The following SOX5 variants were observed in gnomAD, a reference collection of about 807,000 sequenced individuals.
SOX5 encodes SRY-box transcription factor 5.
SOX5 carries 9 observed loss-of-function variants against 92.0 expected under a neutral mutation model. That is an observed-to-expected ratio of 0.10 (90% confidence interval 0.06 to 0.17). SOX5 has a LOEUF of 0.17. Ranked by LOEUF, SOX5 falls within the 10% of genes least tolerant of loss-of-function variation. SOX5 has a pLI of 1.00. For missense variants in SOX5, 642 were observed against 944.5 expected, an observed-to-expected ratio of 0.68 and a Z score of 4.20; for synonymous variants, 344 against 336.3, an observed-to-expected ratio of 1.02 and a Z score of -0.25.
chr12:24,386,361 A>G (rs1435709730), intron 1 of SOX5, among the ~76,000 whole-genome samples: 3 of 152,176 alleles, frequency 2.0e-5, no homozygotes, highest in African/African-American at 7.2e-5. Context: ...TCTGGGCTTT[A>G]TATTTTACTT....
intron 2 of SOX5, among the ~76,000 whole-genome samples, chr12:23,854,487 A>G (rs533414990): frequency 6.6e-6 from 1 of 152,178 alleles, no homozygotes; most frequent in East Asian, 1.9e-4. Flanking sequence ...AATTGTCTAA[A>G]CTCTCTAAGC....
chr12:23,614,357 G>C (rs1026141709), intron 8 of SOX5, among the ~76,000 whole-genome samples: 1 of 152,040 alleles, frequency 6.6e-6, no homozygotes, highest in Non-Finnish European at 1.5e-5. Context: ...ACTTCTCTTT[G>C]GCCAGATGTG....
At chr12:23,665,839 T>C (rs1218510363) in intron 6 of SOX5, among the ~76,000 whole-genome samples, 1 of 152,158 alleles carries the variant, frequency 6.6e-6, no homozygotes, top group Admixed American at 6.6e-5. Flanking sequence ...AAAATATCAC[T>C]ACTTTGCATG....
chr12:23,786,244 T>C (rs2095374845), intron 3 of SOX5, among the ~76,000 whole-genome samples: 1 of 152,018 alleles, frequency 6.6e-6, no homozygotes, highest in Admixed American at 6.5e-5. Flanking sequence ...TACTTCCACT[T>C]ACAAATATTA....
chr12:24,485,943 C>CTGT (rs376040670), intron 1 of SOX5, among the ~76,000 whole-genome samples: 5 of 152,002 alleles, frequency 3.3e-5, no homozygotes, highest in Non-Finnish European at 7.4e-5. Flanking sequence ...ATATACCTTT[C>CTGT]TGTTGTTGTT....
chr12:24,424,339 C>T (rs531992326), intron 1 of SOX5, among the ~76,000 whole-genome samples: 1 of 152,202 alleles, frequency 6.6e-6, no homozygotes, highest in South Asian at 2.1e-4. Flanking sequence ...ACAAAACAGT[C>T]GATATTTTAT....
At chr12:23,807,622 T>A (rs1160916525) in intron 3 of SOX5, among the ~76,000 whole-genome samples, 1 of 150,932 alleles carries the variant, frequency 6.6e-6, no homozygotes, top group Non-Finnish European at 1.5e-5. Context: ...ACTCTAGAAC[T>A]GTGAAAGAAC....
At chr12:23,818,833 A>G (rs2096052093) in intron 3 of SOX5, among the ~76,000 whole-genome samples, 1 of 152,120 alleles carries the variant, frequency 6.6e-6, no homozygotes. Context: ...TTAAACACTA[A>G]GAAACAAACA....
chr12:23,772,916 C>T (rs2141579302), intron 3 of SOX5, among the ~76,000 whole-genome samples: 1 of 152,250 alleles, frequency 6.6e-6, no homozygotes, highest in Middle Eastern at 3.4e-3. Context: ...AGTGGCAGGG[C>T]ACATGACAAC....
At chr12:23,621,405 C>T (rs918249834) in intron 8 of SOX5, among the ~76,000 whole-genome samples, 2 of 151,982 alleles carry the variant, frequency 1.3e-5, no homozygotes, top group African/African-American at 4.8e-5. Flanking sequence ...GTATATAATG[C>T]TACACAGAAC....
At chr12:24,055,295 T>C (rs76432241) in intron 4 of SOX5, among the ~76,000 whole-genome samples, 1,758 of 152,304 alleles carry the variant, frequency 0.012, 21 homozygotes, top group South Asian at 0.036. Context: ...ACTCATGCCC[T>C]GATTATCAAA....
chr12:23,761,768 C>T (rs1422467797), intron 3 of SOX5, among the ~76,000 whole-genome samples: 1 of 152,056 alleles, frequency 6.6e-6, no homozygotes, highest in Non-Finnish European at 1.5e-5. Context: ...ATAGGTGGTA[C>T]TGTGGGCTAG....
At chr12:24,040,738 T>C (rs1329105742) in intron 4 of SOX5, among the ~76,000 whole-genome samples, 1 of 152,086 alleles carries the variant, frequency 6.6e-6, no homozygotes, top group African/African-American at 2.4e-5. Flanking sequence ...CCGGGCGTGG[T>C]GGCGGGCGCC....
chr12:23,952,151 TGAA>T (rs538484182), upstream of SOX5, among the ~76,000 whole-genome samples: 2 of 151,754 alleles, frequency 1.3e-5, no homozygotes, highest in Non-Finnish European at 2.9e-5. Context: ...AGAAAAAAAG[TGAA>T]GAAGGAGGAT....
At chr12:24,502,037 A>G (rs986505981) in intron 1 of SOX5, among the ~76,000 whole-genome samples, 11 of 152,344 alleles carry the variant, frequency 7.2e-5, no homozygotes, top group African/African-American at 2.6e-4. Context: ...TGGGATTCTC[A>G]GACCTAATTC....
chr12:23,667,923 C>T (rs1005195597), intron 6 of SOX5, among the ~76,000 whole-genome samples: 3 of 152,150 alleles, frequency 2.0e-5, no homozygotes, highest in East Asian at 1.9e-4. Context: ...CCTGATTATT[C>T]GTGGATTCTG....
Position 23,530,693 on chromosome 12 carries a change from A to G in SOX5, c.*3526T>C, listed in dbSNP as rs957191697. On this transcript the variant is annotated 3_prime_UTR_variant, in exon 15 of 15. Coordinates refer to ENST00000451604, the MANE Select transcript of SOX5 (RefSeq NM_006940.6). Reference sequence around the variant, plus strand: ...ATGAGTAACTTTATTTTCTCCGGTAATGTTCTCTTAGATTCATATGAAAAC... The same window carrying G: ...ATGAGTAACTTTATTTTCTCCGGTAGTGTTCTCTTAGATTCATATGAAAAC... The G allele has an allele frequency of 6.6e-5, 10 of 152,114 alleles. No homozygotes were observed. The highest frequency in any genetic ancestry group is 2.2e-4 in the African/African-American group (9 of 41,434). The allele number at this position is 152,114 out of a possible 1,614,324, so 9.4% of individuals were successfully genotyped here. A position where few individuals can be genotyped will look rare whatever the true frequency, so the allele number is the denominator to read the frequency against.
intron 11 of SOX5, among the ~76,000 whole-genome samples, chr12:23,559,949 C>T (rs981347480): frequency 7.2e-5 from 11 of 152,008 alleles, no homozygotes; most frequent in African/African-American, 2.4e-4. Flanking sequence ...CTTGCCCTGT[C>T]GCCCAGGCTG....
chr12:24,126,268 C>G (rs759435923), intron 4 of SOX5, among the ~76,000 whole-genome samples: 2 of 152,136 alleles, frequency 1.3e-5, no homozygotes, highest in Non-Finnish European at 2.9e-5. Flanking sequence ...TATAGCATGT[C>G]CCAACGCCCA....
Sources: gnomAD v4.1 joint callset for allele counts (sites outside exome capture counted in the v4.1 genomes callset) on GRCh38, gnomAD v4.1.1 for gene constraint, MANE v1.5 for transcripts, NCBI Gene and HGNC (gene_info 2026-07-23, HGNC 2026-07-21) for gene names.